DGKB: variants seen among roughly 807,000 people sequenced by gnomAD.
DGKB encodes the protein diacylglycerol kinase beta, also known as 90 kDa diacylglycerol kinase.
In DGKB, 67 loss-of-function variants were observed where a neutral mutation model predicts 114.3. The ratio of observed to expected loss-of-function variants is 0.59; its 90% confidence interval spans 0.48 to 0.72. The LOEUF (loss-of-function observed/expected upper bound fraction) is 0.72. Among genes scored for constraint, DGKB ranks in the 30% least tolerant of loss-of-function variants. The probability of loss-of-function intolerance (pLI) is 0.00; values close to 1 mark genes in which losing one functional copy is unlikely to be tolerated. For synonymous variants in DGKB, 398 were observed against 323.1 expected, an observed-to-expected ratio of 1.23 and a Z score of -2.49; for missense variants, 907 against 975.2, an observed-to-expected ratio of 0.93 and a Z score of 0.93.
In DGKB at chr7:14,515,983, T is replaced by C. The variant is rs191540073; in HGVS notation, c.1771-37758A>G. ...CCTCAGCCTCTTCAGTAGCTGGAAC[T>C]ACAGGTATGTACCACCACCACCACC... On this transcript the variant is annotated intron_variant, in intron 20 of 25. Transcript: ENST00000402815. Among the ~76,000 whole-genome samples the C allele has an allele frequency of 3.0e-3, 464 of 152,246 alleles. 3 individuals carry two copies. Among genetic ancestry groups the C allele is most frequent in the African/African-American group, 0.011 (442 of 41,576 alleles).
chr7:14,560,838 A>G (rs945346302), intron 20 of DGKB, among the ~76,000 whole-genome samples: 3 of 152,134 alleles, frequency 2.0e-5, no homozygotes, highest in Non-Finnish European at 2.9e-5. Flanking sequence ...AGGAGTCCCA[A>G]TTTCTCCAAA....
intron 17 of DGKB, among the ~76,000 whole-genome samples, chr7:14,600,481 A>G (rs543862332): frequency 5.3e-5 from 8 of 152,290 alleles, no homozygotes; most frequent in African/African-American, 1.9e-4. Flanking sequence ...TAAAAAGTCT[A>G]AAGTCCAGAG....
intron 4 of DGKB, among the ~76,000 whole-genome samples, chr7:14,745,585 T>A (rs1307488501): frequency 6.6e-6 from 1 of 152,136 alleles, no homozygotes; most frequent in Non-Finnish European, 1.5e-5. Context: ...AATCAATGTG[T>A]AGTGGCTCAG....
chr7:14,261,680 A>G (rs892611221), intron 23 of DGKB, among the ~76,000 whole-genome samples: 5 of 152,192 alleles, frequency 3.3e-5, no homozygotes, highest in Non-Finnish European at 7.4e-5. Flanking sequence ...CTTAAAATGG[A>G]TATAGGAAAG....
chr7:14,777,551 C>G (rs190948141), intron 2 of DGKB, among the ~76,000 whole-genome samples: 41 of 152,218 alleles, frequency 2.7e-4, no homozygotes, highest in Admixed American at 2.5e-3. Context: ...GGCTTTTCTT[C>G]CTCTTTGCTC....
intron 1 of DGKB, among the ~76,000 whole-genome samples, chr7:14,888,724 A>T (rs1780709735): frequency 6.6e-6 from 1 of 151,730 alleles, no homozygotes; most frequent in Non-Finnish European, 1.5e-5. Flanking sequence ...TGTGTAAAGA[A>T]GGTTTTGTAT....
At chr7:14,283,979 A>G (rs1800398445) in intron 23 of DGKB, among the ~76,000 whole-genome samples, 1 of 152,188 alleles carries the variant, frequency 6.6e-6, no homozygotes, top group African/African-American at 2.4e-5. Context: ...CTAAAACACC[A>G]AAAGCAATGG....
chr7:14,866,140 T>C (rs75976698), intron 1 of DGKB, among the ~76,000 whole-genome samples: 2,695 of 152,216 alleles, frequency 0.018, 82 homozygotes, highest in African/African-American at 0.062. Context: ...ATAGCAAAAC[T>C]AAGAGGAAGG....
chr7:14,625,515 T>C (rs545913648), intron 14 of DGKB, among the ~76,000 whole-genome samples: 118 of 134,004 alleles, frequency 8.8e-4, no homozygotes, highest in African/African-American at 3.1e-3. Flanking sequence ...GTTGAAGTTA[T>C]TGAAAGTTTC....
At chr7:14,797,860 C>G (rs1296919201) in intron 2 of DGKB, among the ~76,000 whole-genome samples, 1 of 152,058 alleles carries the variant, frequency 6.6e-6, no homozygotes, top group African/African-American at 2.4e-5. Context: ...CTATTTTACT[C>G]CCACTGCCCG....
chr7:14,416,532 A>C (rs1041195418), intron 21 of DGKB, among the ~76,000 whole-genome samples: 6 of 151,966 alleles, frequency 3.9e-5, no homozygotes, highest in Admixed American at 3.9e-4. Flanking sequence ...CATAATTCCC[A>C]CGTGGTGTGG....
intron 1 of DGKB, among the ~76,000 whole-genome samples, chr7:14,856,459 T>C (rs142826243): frequency 1.3e-5 from 2 of 152,300 alleles, no homozygotes; most frequent in East Asian, 1.9e-4. Context: ...GCTTCTTTTA[T>C]TCTTTTACTG....
At chr7:14,268,174 T>C (rs1797779299) in intron 23 of DGKB, among the ~76,000 whole-genome samples, 1 of 151,504 alleles carries the variant, frequency 6.6e-6, no homozygotes, top group Non-Finnish European at 1.5e-5. Flanking sequence ...AACCTTTATC[T>C]TAAACATTAA....
At chr7:14,789,621 C>G (rs973040723) in intron 2 of DGKB, among the ~76,000 whole-genome samples, 2 of 152,052 alleles carry the variant, frequency 1.3e-5, no homozygotes, top group Non-Finnish European at 2.9e-5. Context: ...AAGACACAAT[C>G]TTCGCTCACT....
At chr7:14,258,091 A>G (rs1002999528) in intron 23 of DGKB, among the ~76,000 whole-genome samples, 1 of 152,212 alleles carries the variant, frequency 6.6e-6, no homozygotes, top group Admixed American at 6.5e-5. Flanking sequence ...CAGTGTGAGA[A>G]TGGACTAATA....
chr7:14,319,245 A>T (rs1267812251), intron 23 of DGKB, among the ~76,000 whole-genome samples: 1 of 151,382 alleles, frequency 6.6e-6, no homozygotes, highest in Non-Finnish European at 1.5e-5. Flanking sequence ...TATGTAACTA[A>T]CCTGCACAAT....
At chr7:14,285,166 T>G (rs1426676381) in intron 23 of DGKB, among the ~76,000 whole-genome samples, 1 of 152,180 alleles carries the variant, frequency 6.6e-6, no homozygotes, top group Non-Finnish European at 1.5e-5. Flanking sequence ...TCCTATTTCC[T>G]AATATATGCA....
At chr7:14,523,752 T>G (rs1229899306) in intron 20 of DGKB, among the ~76,000 whole-genome samples, 6 of 152,164 alleles carry the variant, frequency 3.9e-5, no homozygotes, top group Non-Finnish European at 7.4e-5. Flanking sequence ...TGAATATGTT[T>G]CATGGGGAAC....
At chr7:14,250,133 T>TATATA (rs1491420041) in intron 23 of DGKB, among the ~76,000 whole-genome samples, 1 of 32,702 alleles carries the variant, frequency 3.1e-5, no homozygotes, top group African/African-American at 1.3e-4. Flanking sequence ...TATATATATA[T>TATATA]TTTTTTTTTT....
Sources: allele counts gnomAD v4.1 joint callset (sites outside exome capture counted in the v4.1 genomes callset), GRCh38; gene constraint gnomAD v4.1.1; transcripts MANE v1.5; gene names NCBI Gene and HGNC (gene_info 2026-07-23, HGNC 2026-07-21).